The following HECW2 variants were observed in gnomAD, a reference collection of about 807,000 sequenced individuals.
HECW2 encodes HECT, C2 and WW domain containing E3 ubiquitin protein ligase 2, also known as E3 ubiquitin-protein ligase HECW2.
HECW2 carries 61 observed loss-of-function variants against 175.2 expected under a neutral mutation model. That is an observed-to-expected ratio of 0.35 (90% CI 0.28 to 0.43). The LOEUF is 0.43. HECW2 is among the 20% of genes least tolerant of loss of function. The probability of loss-of-function intolerance (pLI) is 1.00; values close to 1 mark genes in which losing one functional copy is unlikely to be tolerated. For synonymous variants in HECW2, 671 were observed against 731.0 expected (o/e 0.92, Z 1.32); for missense variants, 1,524 against 2,000.5 (o/e 0.76, Z 4.54).
intron 2 of HECW2, among the ~76,000 whole-genome samples, chr2:196,425,764 G>A (rs1255529184): frequency 6.6e-6 from 1 of 152,104 alleles, no homozygotes; most frequent in African/African-American, 2.4e-5. Flanking sequence ...TGATAAAGAA[G>A]CTGTGAACAT....
At chr2:196,399,141 G>A (rs1214816050) in intron 2 of HECW2, among the ~76,000 whole-genome samples, 1 of 152,160 alleles carries the variant, frequency 6.6e-6, no homozygotes, top group Non-Finnish European at 1.5e-5. Context: ...CTCAGGTTGA[G>A]CATGTACACT....
At chr2:196,502,829 G>A (rs139076048) in intron 1 of HECW2, among the ~76,000 whole-genome samples, 311 of 152,290 alleles carry the variant, frequency 2.0e-3, no homozygotes, top group African/African-American at 7.0e-3. Context: ...AACAGGCATG[G>A]GCAATGTTCT....
chr2:196,412,601 T>C (rs938701584), intron 2 of HECW2, among the ~76,000 whole-genome samples: 2 of 152,210 alleles, frequency 1.3e-5, no homozygotes, highest in African/African-American at 4.8e-5. Context: ...TGATAAACTC[T>C]TTGTTTTGGC....
At chr2:196,230,454 T>C (rs1475522964) in intron 21 of HECW2, among the ~76,000 whole-genome samples, 2 of 152,222 alleles carry the variant, frequency 1.3e-5, no homozygotes, top group Admixed American at 6.5e-5. Flanking sequence ...ATTGGAACTT[T>C]AGGTTTAGCA....
At chr2:196,365,957 G>A (rs1693731590) in intron 2 of HECW2, among the ~76,000 whole-genome samples, 1 of 152,188 alleles carries the variant, frequency 6.6e-6, no homozygotes, top group East Asian at 1.9e-4. Flanking sequence ...TCTTGGGTCT[G>A]TATAACATCA....
intron 1 of HECW2, among the ~76,000 whole-genome samples, chr2:196,482,543 AG>A (rs1188394534): frequency 6.6e-6 from 1 of 152,182 alleles, no homozygotes; most frequent in Non-Finnish European, 1.5e-5. Flanking sequence ...TATTCATAGC[AG>A]ACATTGACCC....
chr2:196,220,758 C>G, intron 25 of HECW2, 37 bp downstream of exon 25: 1 of 1,607,634 alleles, frequency 6.2e-7, no homozygotes, highest in Non-Finnish European at 8.5e-7. Context: ...TCATTGATAT[C>G]AGACTGCAAA....
At chr2:196,334,059 C>T (rs372495386) in intron 4 of HECW2, among the ~76,000 whole-genome samples, 3 of 152,050 alleles carry the variant, frequency 2.0e-5, no homozygotes, top group African/African-American at 7.2e-5. Flanking sequence ...GGTAAATCAC[C>T]CATAATTTAA....
chr2:196,310,405 G>A (rs1313641220), intron 10 of HECW2, among the ~76,000 whole-genome samples: 1 of 152,202 alleles, frequency 6.6e-6, no homozygotes, highest in Non-Finnish European at 1.5e-5. Flanking sequence ...GGGCTGTTAT[G>A]CTATTGGTTT....
chr2:196,252,603 C>T (rs1188790089), intron 19 of HECW2, among the ~76,000 whole-genome samples: 1 of 152,202 alleles, frequency 6.6e-6, no homozygotes, highest in East Asian at 1.9e-4. Flanking sequence ...CCATCACCTT[C>T]TGACATGAGT....
Position 196,254,030 on chromosome 2 carries a change from C to G in HECW2, c.3420-1G>C. 6.2e-7 allele frequency: 1 copy of G among 1,613,222 alleles called. No homozygotes were observed. Among genetic ancestry groups the G allele is most frequent in the Non-Finnish European group, 8.5e-7 (1 of 1,179,428 alleles). The stretch of plus-strand genomic sequence containing the variant: ...CGACATTATCTCTTCTTCAAATAAG[C>G]TGGGGAAAGACAAGAAACAAAACGG... On this transcript the variant is annotated splice_acceptor_variant, in intron 18 of 28. Transcript: ENST00000644978. LOFTEE classifies it high-confidence loss of function.
Position 196,292,604 on chromosome 2 carries a change from C to T in HECW2, c.2961G>A (p.Leu987=), listed in dbSNP as rs372842499. 8 of 1,614,002 alleles carry T rather than the reference C, an allele frequency of 5.0e-6. No individual in the cohort carries two copies. In the African/African-American group the frequency reaches 1.1e-4, roughly 22 times the overall value. Residue 987 remains leucine, a synonymous_variant, in exon 14 of 29, where the codon CTG becomes CTA. Coordinates refer to ENST00000644978, the MANE Select transcript of HECW2 (RefSeq NM_001348768.2). ...LNMFANKQLE[L]PRGWEMKHDH... is the part of the protein sequence containing the mutation. The stretch of plus-strand genomic sequence containing the variant: ...CATGTTTCATTTCCCATCCCCGCGG[C>T]AGCTCTAGCTGTTTGTTCGCGAACA...
intron 1 of HECW2, among the ~76,000 whole-genome samples, chr2:196,480,393 G>C (rs1360502821): frequency 6.6e-6 from 1 of 152,170 alleles, no homozygotes; most frequent in Non-Finnish European, 1.5e-5. Flanking sequence ...CTTCTATTTA[G>C]GGATCCCTTT....
chr2:196,368,945 C>T (rs1693830720), intron 2 of HECW2, among the ~76,000 whole-genome samples: 1 of 152,144 alleles, frequency 6.6e-6, no homozygotes, highest in Non-Finnish European at 1.5e-5. Flanking sequence ...TGACTGACCA[C>T]AAATACCTGC....
At chr2:196,222,062 G>A (rs1396811205) in intron 24 of HECW2, 149 bp downstream of exon 24, 17 of 559,472 alleles carry the variant, frequency 3.0e-5, no homozygotes, top group Admixed American at 3.5e-5. Context: ...TTATAACTGC[G>A]GTTATTATAA....
chr2:196,339,120 T>C (rs924085883), intron 3 of HECW2, among the ~76,000 whole-genome samples: 1 of 152,168 alleles, frequency 6.6e-6, no homozygotes, highest in African/African-American at 2.4e-5. Context: ...AGATGGGGGA[T>C]GAAAAGCATT....
chr2:196,239,599 C>G (rs1233055583), intron 21 of HECW2: 5 of 152,062 alleles, frequency 3.3e-5, no homozygotes, highest in African/African-American at 1.2e-4. Flanking sequence ...TTAAAATGAT[C>G]CAAATCAACA....
intron 2 of HECW2, among the ~76,000 whole-genome samples, chr2:196,358,779 T>C (rs1358067026): frequency 6.6e-6 from 1 of 152,198 alleles, no homozygotes; most frequent in African/African-American, 2.4e-5. Context: ...TGCTTATTTA[T>C]GTTTCTTGAA....
Position 196,320,505 on chromosome 2 carries a change from A to G in HECW2, c.885-66T>C, listed in dbSNP as rs1234988150. On this transcript the variant is annotated intron_variant, in intron 7 of 28. Transcript: ENST00000644978. ...GAGTCAGCCTTCGCCGTCTTTCCAC[A>G]GGCCACCCACCAAATCCCTCCTATC... The G allele has an allele frequency of 9.2e-6, 9 of 973,736 alleles. No homozygotes were observed. The Admixed American group carries it at 1.8e-4, about 19-fold the overall frequency. 60.3% of individuals were successfully genotyped at this position (973,736 alleles called of 1,614,324 possible).
Sources: gnomAD v4.1 joint callset for allele counts (sites outside exome capture counted in the v4.1 genomes callset) on GRCh38, gnomAD v4.1.1 for gene constraint, MANE v1.5 for transcripts, NCBI Gene and HGNC (gene_info 2026-07-23, HGNC 2026-07-21) for gene names.